The following SAMD5 variants were observed in gnomAD, a reference collection of about 807,000 sequenced individuals.
SAMD5 encodes the protein sterile alpha motif domain-containing protein 5.
SAMD5 carries 13 observed loss-of-function variants against 11.3 expected under a neutral mutation model. That is an observed-to-expected ratio of 1.15 (90% confidence interval 0.75 to 1.83). The LOEUF (loss-of-function observed/expected upper bound fraction) is 1.83. SAMD5 is among the 40% of genes most tolerant of loss of function. The pLI, the probability that SAMD5 is intolerant of heterozygous loss-of-function variation, is 0.00. For missense variants in SAMD5, 255 were observed against 239.1 expected (o/e 1.07, Z -0.44); for synonymous variants, 129 against 111.3 (o/e 1.16, Z -1.00).
the SAMD5 span, among the ~76,000 whole-genome samples, chr6:147,802,168 G>T: frequency 6.6e-6 from 1 of 152,106 alleles, no homozygotes; most frequent in Non-Finnish European, 1.5e-5. Context: ...TTCAAGGGAC[G>T]TGTATCTAGA....
chr6:147,942,823 C>CTTTTTTTTTTTT, the SAMD5 span, among the ~76,000 whole-genome samples: 1 of 128,850 alleles, frequency 7.8e-6, no homozygotes, highest in Non-Finnish European at 1.6e-5. Context: ...CCCAATGCTT[C>CTTTTTTTTTTTT]TTTTTTTTTT....
chr6:147,510,200 C>T (rs1422554548), intron 1 of SAMD5, among the ~76,000 whole-genome samples: 1 of 152,180 alleles, frequency 6.6e-6, no homozygotes, highest in Non-Finnish European at 1.5e-5. Flanking sequence ...AAGGGGAATC[C>T]TCTGCACCGG....
chr6:147,615,283 G>C (rs181946334), intron 1 of SAMD5, among the ~76,000 whole-genome samples: 1 of 152,220 alleles, frequency 6.6e-6, no homozygotes, highest in East Asian at 1.9e-4. Flanking sequence ...AAGCATATTA[G>C]ACACTAGCCC....
chr6:147,645,274 A>C (rs1790381064), intron 1 of SAMD5, among the ~76,000 whole-genome samples: 2 of 152,166 alleles, frequency 1.3e-5, no homozygotes, highest in Admixed American at 6.5e-5. Context: ...TCTTTCAAGA[A>C]ATTGAACAAA....
At chr6:147,596,303 C>T (rs965102881) in intron 1 of SAMD5, among the ~76,000 whole-genome samples, 4 of 152,154 alleles carry the variant, frequency 2.6e-5, no homozygotes, top group Non-Finnish European at 5.9e-5. Context: ...ACTGTCTTTG[C>T]TTCAGTGCCT....
the SAMD5 span, among the ~76,000 whole-genome samples, chr6:147,948,058 C>T: frequency 4.2e-4 from 64 of 151,956 alleles, 3 homozygotes; most frequent in South Asian, 0.013. Flanking sequence ...CACAATGTGG[C>T]GATTAAGTCC....
At chr6:147,529,238 T>G (rs543690667) in intron 1 of SAMD5, among the ~76,000 whole-genome samples, 49 of 152,330 alleles carry the variant, frequency 3.2e-4, no homozygotes, top group African/African-American at 1.2e-3. Flanking sequence ...TGCATTTATA[T>G]TTATGTAAAT....
At chr6:147,706,987 C>T (rs532023974) in intron 1 of SAMD5, among the ~76,000 whole-genome samples, 20 of 152,222 alleles carry the variant, frequency 1.3e-4, no homozygotes, top group Admixed American at 2.6e-4. Context: ...AATTAACTTA[C>T]GGTGTAAATA....
the SAMD5 span, among the ~76,000 whole-genome samples, chr6:147,808,117 T>A: frequency 9.9e-5 from 15 of 152,174 alleles, no homozygotes; most frequent in African/African-American, 3.4e-4. Flanking sequence ...CCTGTTGGGA[T>A]CTATGGTCAG....
intron 1 of SAMD5, among the ~76,000 whole-genome samples, chr6:147,727,524 G>A (rs181713885): frequency 6.6e-6 from 1 of 152,306 alleles, no homozygotes; most frequent in Non-Finnish European, 1.5e-5. Context: ...TTCAGCACAA[G>A]GGAGGCACTC....
chr6:147,642,188 T>C (rs1790322123), intron 1 of SAMD5, among the ~76,000 whole-genome samples: 1 of 152,250 alleles, frequency 6.6e-6, no homozygotes, highest in Admixed American at 6.5e-5. Context: ...GTGGCATTTG[T>C]GATTATTTCT....
the SAMD5 span, among the ~76,000 whole-genome samples, chr6:147,916,701 C>T: frequency 7.1e-6 from 1 of 139,900 alleles, no homozygotes; most frequent in East Asian, 2.2e-4. Context: ...AGCTATCCCT[C>T]CTCCCTCCCC....
At chr6:147,941,844 G>A in the SAMD5 span, among the ~76,000 whole-genome samples, 45 of 137,428 alleles carry the variant, frequency 3.3e-4, no homozygotes, top group African/African-American at 1.2e-3. Flanking sequence ...GTGTGTGTGT[G>A]TGAAGTTGGT....
chr6:147,884,747 A>G, the SAMD5 span, among the ~76,000 whole-genome samples: 3 of 152,212 alleles, frequency 2.0e-5, no homozygotes, highest in Non-Finnish European at 4.4e-5. Context: ...TAATTATACA[A>G]ACACTAATTA....
chr6:147,672,570 G>A (rs77666289), intron 1 of SAMD5, among the ~76,000 whole-genome samples: 10,171 of 152,210 alleles, frequency 0.067, 518 homozygotes, highest in East Asian at 0.2. Context: ...TCCAGGAAAT[G>A]TTTAACATAG....
At chr6:147,747,054 G>A in the SAMD5 span, among the ~76,000 whole-genome samples, 2 of 152,304 alleles carry the variant, frequency 1.3e-5, no homozygotes, top group African/African-American at 2.4e-5. Context: ...TCTCCTCTGG[G>A]TACCAGTGTT....
At chr6:147,536,807 T>C (rs1285719009) in intron 1 of SAMD5, among the ~76,000 whole-genome samples, 2 of 152,084 alleles carry the variant, frequency 1.3e-5, no homozygotes, top group Non-Finnish European at 2.9e-5. Flanking sequence ...ATATATATAA[T>C]AACATATTTA....
intron 1 of SAMD5, among the ~76,000 whole-genome samples, chr6:147,610,913 A>G (rs1789773921): frequency 6.8e-6 from 1 of 147,014 alleles, no homozygotes; most frequent in Admixed American, 6.9e-5. Flanking sequence ...TCTGTTGCCC[A>G]GGCTGGAGTA....
chr6:147,598,740 CA>C (rs1393640768), intron 1 of SAMD5, among the ~76,000 whole-genome samples: 2 of 152,152 alleles, frequency 1.3e-5, no homozygotes, highest in African/African-American at 4.8e-5. Context: ...TGCATTCATT[CA>C]TTCATCAATC....
Sources: gnomAD v4.1 joint callset for allele counts (sites outside exome capture counted in the v4.1 genomes callset) on GRCh38, gnomAD v4.1.1 for gene constraint, MANE v1.5 for transcripts, NCBI Gene and HGNC (gene_info 2026-07-23, HGNC 2026-07-21) for gene names.